HDAC9: variants seen among roughly 807,000 people sequenced by gnomAD.
HDAC9 encodes the protein histone deacetylase 9.
A neutral mutation model predicts 139.4 loss-of-function variants in HDAC9; 41 were observed. The ratio of observed to expected loss-of-function variants is 0.29; its 90% CI spans 0.23 to 0.38. HDAC9 has a LOEUF of 0.38. Among genes scored for constraint, HDAC9 ranks in the 10% least tolerant of loss-of-function variants. The pLI, the probability that HDAC9 is intolerant of heterozygous loss-of-function variation, is 1.00. For missense variants in HDAC9, 1,147 were observed against 1,297.0 expected (o/e 0.88, Z 1.78); for synonymous variants, 517 against 476.2 (o/e 1.09, Z -1.12).
intron 23 of HDAC9, among the ~76,000 whole-genome samples, chr7:18,947,347 G>A (rs2528406): frequency 0.19 from 28,077 of 151,688 alleles, 2,840 homozygotes; most frequent in African/African-American, 0.26. Flanking sequence ...AAAATTGATC[G>A]AACTCTAGTA....
At chr7:18,122,692 C>T (rs1252889333) in intron 1 of HDAC9, among the ~76,000 whole-genome samples, 3 of 152,292 alleles carry the variant, frequency 2.0e-5, no homozygotes, top group Admixed American at 1.3e-4. Flanking sequence ...GATCTCAGCT[C>T]ACTGCAACCT....
chr7:18,848,895 T>C (rs1797086893), intron 21 of HDAC9, among the ~76,000 whole-genome samples: 1 of 152,196 alleles, frequency 6.6e-6, no homozygotes, highest in African/African-American at 2.4e-5. Flanking sequence ...TGTAAATTCA[T>C]GTTAACAACT....
At chr7:18,976,201 T>C (rs1468636921) in intron 25 of HDAC9, among the ~76,000 whole-genome samples, 1 of 152,208 alleles carries the variant, frequency 6.6e-6, no homozygotes, top group Non-Finnish European at 1.5e-5. Flanking sequence ...ATGAGATAAA[T>C]GGTGAGAAAA....
chr7:18,402,094 G>C (rs1241604874), intron 1 of HDAC9, among the ~76,000 whole-genome samples: 2 of 152,098 alleles, frequency 1.3e-5, no homozygotes, highest in Non-Finnish European at 2.9e-5. Context: ...ACTAATATTT[G>C]TTAGGCACTG....
chr7:18,929,451 C>G (rs1346280227), intron 22 of HDAC9, among the ~76,000 whole-genome samples: 2 of 152,000 alleles, frequency 1.3e-5, no homozygotes, highest in East Asian at 2.0e-4. Context: ...TTCAGCTCCA[C>G]TTGGTCATCA....
Position 18,678,631 on chromosome 7 carries a change from A to G in HDAC9, c.1731+12155A>G, listed in dbSNP as rs1392087558. Among the ~76,000 whole-genome samples, 5 of 151,914 alleles carry G rather than the reference A, an allele frequency of 3.3e-5. No homozygotes were observed. In the East Asian group the frequency reaches 7.8e-4, roughly 24 times the overall value. On this transcript the variant is annotated intron_variant, in intron 12 of 25. Coordinates refer to ENST00000686413, the MANE Select transcript of HDAC9 (RefSeq NM_178425.4). ...TTAAGATCTGGAGGTTTTCACATCTAGAAATATAGATATGTTTTCCATTTG... is the reference window on the plus strand; with the variant it reads ...TTAAGATCTGGAGGTTTTCACATCTGGAAATATAGATATGTTTTCCATTTG...
intron 2 of HDAC9, chr7:18,517,787 A>G (rs767868879): frequency 1.3e-5 from 2 of 152,162 alleles, no homozygotes; most frequent in African/African-American, 4.8e-5. Context: ...AGGGCAGAAA[A>G]TGGGCTTTTC....
At chr7:18,712,349 C>T (rs188891293) in intron 12 of HDAC9, among the ~76,000 whole-genome samples, 63 of 152,266 alleles carry the variant, frequency 4.1e-4, no homozygotes, top group African/African-American at 1.5e-3. Flanking sequence ...AAGGGATGGG[C>T]TCTAGCATGT....
intron 1 of HDAC9, among the ~76,000 whole-genome samples, chr7:18,111,888 A>C (rs894734306): frequency 6.6e-6 from 1 of 152,182 alleles, no homozygotes; most frequent in Admixed American, 6.5e-5. Context: ...GGTGCAGTAG[A>C]GTGGTGTATG....
chr7:18,129,648 C>T (rs1302746509), intron 1 of HDAC9, among the ~76,000 whole-genome samples: 1 of 152,154 alleles, frequency 6.6e-6, no homozygotes, highest in African/African-American at 2.4e-5. Context: ...GTAGCTTGTG[C>T]AGTCTTGTAA....
At chr7:18,289,359 A>C (rs1007445393), upstream of HDAC9, among the ~76,000 whole-genome samples, 1 of 152,182 alleles carries the variant, frequency 6.6e-6, no homozygotes, top group Non-Finnish European at 1.5e-5. Context: ...TTTATTTTAT[A>C]AGCTAAGTAT....
At chr7:18,261,241 G>T (rs1453349406) in intron 2 of HDAC9, among the ~76,000 whole-genome samples, 3 of 152,146 alleles carry the variant, frequency 2.0e-5, no homozygotes, top group Non-Finnish European at 4.4e-5. Context: ...CTGGAAGTTC[G>T]AGGTTGCAGT....
intron 2 of HDAC9, among the ~76,000 whole-genome samples, chr7:18,241,166 A>C (rs1178427987): frequency 6.6e-6 from 1 of 152,184 alleles, no homozygotes; most frequent in African/African-American, 2.4e-5. Flanking sequence ...CTTTCACTTA[A>C]GTTACACTGC....
chr7:18,265,038 A>G (rs576783921), intron 2 of HDAC9, among the ~76,000 whole-genome samples: 48 of 152,296 alleles, frequency 3.2e-4, no homozygotes, highest in African/African-American at 1.2e-3. Context: ...TATGTCTGTC[A>G]TGGTACATTG....
intron 1 of HDAC9, among the ~76,000 whole-genome samples, chr7:18,421,763 C>A (rs1789639925): frequency 6.6e-6 from 1 of 152,166 alleles, no homozygotes; most frequent in East Asian, 1.9e-4. Context: ...CCTTAGCTCA[C>A]CACGTGATTA....
chr7:18,588,620 C>T (rs551576628), intron 3 of HDAC9, among the ~76,000 whole-genome samples: 3 of 152,308 alleles, frequency 2.0e-5, no homozygotes, highest in African/African-American at 7.2e-5. Flanking sequence ...TGTTTGGCAT[C>T]ACTGTTGTTG....
chr7:18,226,449 C>T (rs982204168), intron 2 of HDAC9, among the ~76,000 whole-genome samples: 8 of 152,060 alleles, frequency 5.3e-5, no homozygotes, highest in Non-Finnish European at 1.0e-4. Flanking sequence ...GCAGACTATA[C>T]ATTGCCCTTT....
At chr7:18,938,059 G>A (rs571919686) in intron 23 of HDAC9, among the ~76,000 whole-genome samples, 1 of 152,198 alleles carries the variant, frequency 6.6e-6, no homozygotes, top group African/African-American at 2.4e-5. Flanking sequence ...GTACCTTGCT[G>A]CCATTCTATG....
intron 25 of HDAC9, among the ~76,000 whole-genome samples, chr7:18,980,827 T>C (rs185611870): frequency 0.01 from 1,527 of 150,450 alleles, 18 homozygotes; most frequent in Non-Finnish European, 0.015. Context: ...GTCTCCTTCT[T>C]CTTCTTTTTT....
Sources: allele counts gnomAD v4.1 joint callset (sites outside exome capture counted in the v4.1 genomes callset), GRCh38; gene constraint gnomAD v4.1.1; transcripts MANE v1.5; gene names NCBI Gene and HGNC (gene_info 2026-07-23, HGNC 2026-07-21).